CNTNAP2: variants seen among roughly 807,000 people sequenced by gnomAD.
The protein encoded by CNTNAP2 is contactin-associated protein-like 2.
A neutral mutation model predicts 155.2 loss-of-function variants in CNTNAP2; 98 were observed. The observed-to-expected ratio is 0.63, with a 90% CI of 0.54 to 0.75. CNTNAP2 has a LOEUF of 0.75. Ranked by LOEUF, CNTNAP2 falls within the 30% of genes least tolerant of loss-of-function variation. The pLI, the probability that CNTNAP2 is intolerant of heterozygous loss-of-function variation, is 0.00. For missense variants in CNTNAP2, 1,727 were observed against 1,688.1 expected (o/e 1.02, Z -0.40); for synonymous variants, 651 against 631.2 (o/e 1.03, Z -0.47).
intron 1 of CNTNAP2, among the ~76,000 whole-genome samples, chr7:146,579,350 T>A (rs959149520): frequency 1.3e-5 from 2 of 152,100 alleles, no homozygotes; most frequent in Non-Finnish European, 2.9e-5. Flanking sequence ...CAAACAGCCA[T>A]TAGAAATCTT....
intron 2 of CNTNAP2, among the ~76,000 whole-genome samples, chr7:146,830,395 G>A (rs374276128): frequency 1.3e-5 from 2 of 151,952 alleles, no homozygotes; most frequent in African/African-American, 4.8e-5. Flanking sequence ...CTGGGTGGCT[G>A]TTACACTGTT....
In CNTNAP2 at chr7:146,403,820, G is replaced by A. The variant is rs536902656; in HGVS notation, c.97+286847G>A. Among the ~76,000 whole-genome samples, 519 of 152,256 alleles carry A rather than the reference G, an allele frequency of 3.4e-3. 1 individual carries two copies. The highest frequency in any genetic ancestry group is 0.012 in the African/African-American group (479 of 41,554). ...GCACTGTCTTCACTGGGATAGTCAT[G>A]AATTTCCAGTTTCGGTGTACTGAGA... is the stretch of plus-strand genomic sequence containing the variant. On this transcript the variant is annotated intron_variant, in intron 1 of 23. Coordinates refer to ENST00000361727, the MANE Select transcript of CNTNAP2 (RefSeq NM_014141.6).
chr7:146,903,814 A>C (rs1796056898), intron 3 of CNTNAP2, among the ~76,000 whole-genome samples: 1 of 152,176 alleles, frequency 6.6e-6, no homozygotes. Flanking sequence ...CCGCATAGTG[A>C]CTGCCATTAG....
intron 13 of CNTNAP2, among the ~76,000 whole-genome samples, chr7:147,784,804 TG>T (rs1203980289): frequency 6.6e-6 from 1 of 151,750 alleles, no homozygotes; most frequent in African/African-American, 2.4e-5. Context: ...AGCTGGGAGC[TG>T]GCAGCTGGAC....
intron 3 of CNTNAP2, among the ~76,000 whole-genome samples, chr7:146,937,332 C>T (rs1038859651): frequency 3.4e-5 from 5 of 146,046 alleles, no homozygotes; most frequent in African/African-American, 1.3e-4. Flanking sequence ...GCCTGGGTGA[C>T]AGGGTGAGAC....
At chr7:147,242,533 T>C (rs1252517525) in intron 8 of CNTNAP2, among the ~76,000 whole-genome samples, 3 of 152,180 alleles carry the variant, frequency 2.0e-5, no homozygotes, top group African/African-American at 7.2e-5. Context: ...GCTGGTAGAT[T>C]CTCTAGCCTT....
At chr7:147,062,199 A>G (rs897875306) in intron 4 of CNTNAP2, among the ~76,000 whole-genome samples, 1 of 150,088 alleles carries the variant, frequency 6.7e-6, no homozygotes, top group Non-Finnish European at 1.5e-5. Flanking sequence ...TATAAAATTA[A>G]AACCATAGAC....
At chr7:147,077,387 T>C (rs1046193285) in intron 4 of CNTNAP2, among the ~76,000 whole-genome samples, 2 of 152,190 alleles carry the variant, frequency 1.3e-5, no homozygotes, top group Non-Finnish European at 2.9e-5. Flanking sequence ...GCACACTTTA[T>C]TTAGTGGAAA....
At chr7:146,156,498 C>A (rs377252628) in intron 1 of CNTNAP2, among the ~76,000 whole-genome samples, 1 of 152,164 alleles carries the variant, frequency 6.6e-6, no homozygotes, top group Non-Finnish European at 1.5e-5. Flanking sequence ...TTACAACTTT[C>A]GCCTATGCTA....
At chr7:147,410,212 C>A (rs1047253513) in intron 10 of CNTNAP2, among the ~76,000 whole-genome samples, 1 of 152,138 alleles carries the variant, frequency 6.6e-6, no homozygotes, top group Non-Finnish European at 1.5e-5. Context: ...GCAGCCATAA[C>A]AAATAATAAG....
Position 146,740,345 on chromosome 7 carries a change from T to C in CNTNAP2, c.98-33926T>C, listed in dbSNP as rs143623396. 2.6e-3 allele frequency among the ~76,000 whole-genome samples: 400 copies of C among 152,108 alleles called. 1 individual carries two copies. Among genetic ancestry groups the C allele is most frequent in the Middle Eastern group, 6.8e-3 (2 of 294 alleles). On this transcript the variant is annotated intron_variant, in intron 1 of 23. Coordinates refer to ENST00000361727, the MANE Select transcript of CNTNAP2 (RefSeq NM_014141.6). Reference sequence around the variant, plus strand: ...AATTTCTCATTTTTTTACTTATTATTATTATTGTTTTATTTTGTTCACTTC... The same window carrying C: ...AATTTCTCATTTTTTTACTTATTATCATTATTGTTTTATTTTGTTCACTTC...
intron 3 of CNTNAP2, among the ~76,000 whole-genome samples, chr7:146,886,406 AT>A (rs1218586110): frequency 6.6e-6 from 1 of 152,076 alleles, no homozygotes; most frequent in Non-Finnish European, 1.5e-5. Flanking sequence ...AAAGAAAAAA[AT>A]TGCAGCACTA....
At chr7:146,361,723 G>C (rs529630310) in intron 1 of CNTNAP2, among the ~76,000 whole-genome samples, 19 of 152,254 alleles carry the variant, frequency 1.2e-4, no homozygotes, top group African/African-American at 4.3e-4. Context: ...CATCTGATTG[G>C]CAAGCTAAAG....
intron 8 of CNTNAP2, among the ~76,000 whole-genome samples, chr7:147,195,949 G>A (rs921201942): frequency 1.3e-5 from 2 of 152,182 alleles, no homozygotes; most frequent in Non-Finnish European, 2.9e-5. Context: ...GAATTTGACT[G>A]TAGTGAGAGA....
At chr7:146,683,023 AT>A (rs1226438927) in intron 1 of CNTNAP2, among the ~76,000 whole-genome samples, 1 of 151,854 alleles carries the variant, frequency 6.6e-6, no homozygotes, top group Non-Finnish European at 1.5e-5. Flanking sequence ...CATATATAAC[AT>A]TGTATATAAA....
At chr7:147,431,371 C>G (rs1483221501) in intron 10 of CNTNAP2, among the ~76,000 whole-genome samples, 1 of 152,106 alleles carries the variant, frequency 6.6e-6, no homozygotes, top group Admixed American at 6.6e-5. Context: ...TTCTGAGAAA[C>G]TTTAAACTAT....
At chr7:146,428,255 A>G (rs1323266158) in intron 1 of CNTNAP2, among the ~76,000 whole-genome samples, 1 of 152,174 alleles carries the variant, frequency 6.6e-6, no homozygotes, top group Non-Finnish European at 1.5e-5. Flanking sequence ...CTTTGCATAT[A>G]TACCCCATAT....
chr7:147,277,092 T>G (rs1804911803), intron 8 of CNTNAP2, among the ~76,000 whole-genome samples: 1 of 152,032 alleles, frequency 6.6e-6, no homozygotes, highest in South Asian at 2.1e-4. Context: ...TAATTTATCT[T>G]TATAAAACAC....
chr7:146,922,622 C>G (rs62483963), intron 3 of CNTNAP2, among the ~76,000 whole-genome samples: 3,300 of 152,258 alleles, frequency 0.022, 62 homozygotes, highest in Non-Finnish European at 0.035. Flanking sequence ...AGTGAGAATT[C>G]TAAAGTTAGA....
Sources: gnomAD v4.1 joint callset for allele counts (sites outside exome capture counted in the v4.1 genomes callset) on GRCh38, gnomAD v4.1.1 for gene constraint, MANE v1.5 for transcripts, NCBI Gene and HGNC (gene_info 2026-07-23, HGNC 2026-07-21) for gene names.